Variants in FANCC observed in about 807,000 individuals in gnomAD.
FANCC encodes Fanconi anemia group C protein.
In FANCC, 55 loss-of-function variants were observed where a neutral mutation model predicts 71.3. The observed-to-expected ratio is 0.77, with a 90% confidence interval of 0.62 to 0.97. The LOEUF (loss-of-function observed/expected upper bound fraction) is 0.97. Among genes scored for constraint, FANCC ranks in the 50% least tolerant of loss-of-function variants. FANCC has a pLI of 0.00. For missense variants in FANCC, 678 were observed against 670.9 expected (o/e 1.01, Z -0.12); for synonymous variants, 275 against 244.9 (o/e 1.12, Z -1.15).
chr9:95,278,681 T>TA (rs1289133282), intron 1 of FANCC, among the ~76,000 whole-genome samples: 1 of 152,148 alleles, frequency 6.6e-6, no homozygotes, highest in African/African-American at 2.4e-5. Context: ...ATTTCTGACT[T>TA]ACAATATTTT....
At chr9:95,168,313 A>G (rs967842255) in intron 6 of FANCC, among the ~76,000 whole-genome samples, 1 of 152,024 alleles carries the variant, frequency 6.6e-6, no homozygotes, top group African/African-American at 2.4e-5. Context: ...CTTCCTCCCA[A>G]TTCTGTTGAG....
intron 6 of FANCC, 39 bp from the exon 7 acceptor site, chr9:95,150,126 G>C (rs1184896671): frequency 6.2e-7 from 1 of 1,609,108 alleles, no homozygotes; most frequent in Non-Finnish European, 8.5e-7. Context: ...AAATCTAAGA[G>C]CCATGCATAA....
intron 10 of FANCC, among the ~76,000 whole-genome samples, chr9:95,122,944 G>A (rs1179734780): frequency 6.6e-6 from 1 of 152,186 alleles, no homozygotes; most frequent in Non-Finnish European, 1.5e-5. Flanking sequence ...CATGGATAGC[G>A]CAGCTTGCTA....
intron 12 of FANCC, among the ~76,000 whole-genome samples, chr9:95,111,996 G>A (rs1468904700): frequency 1.3e-5 from 2 of 152,224 alleles, no homozygotes; most frequent in Non-Finnish European, 2.9e-5. Flanking sequence ...GAGATGGGGA[G>A]AAAGAGGTGG....
intron 5 of FANCC, among the ~76,000 whole-genome samples, chr9:95,171,479 T>C (rs10821453): frequency 0.39 from 58,318 of 151,420 alleles, 11,850 homozygotes; most frequent in East Asian, 0.58. Context: ...AAAAAGTTGT[T>C]ATTGTACAAA....
chr9:95,150,854 C>T (rs1830132648), intron 6 of FANCC, among the ~76,000 whole-genome samples: 1 of 152,168 alleles, frequency 6.6e-6, no homozygotes, highest in Non-Finnish European at 1.5e-5. Context: ...TGATTAGCTC[C>T]CTGGTTGCAG....
chr9:95,156,618 G>C (rs973600732), intron 6 of FANCC, among the ~76,000 whole-genome samples: 2 of 152,078 alleles, frequency 1.3e-5, no homozygotes, highest in Admixed American at 6.5e-5. Context: ...AGAAGCTTTT[G>C]TGATCACCAT....
chr9:95,317,195 C>T (rs1490671638), intron 1 of FANCC: 1 of 152,642 alleles, frequency 6.6e-6, no homozygotes, highest in Non-Finnish European at 1.5e-5. Context: ...ACCAAAACGC[C>T]AACACCCGGC....
rs2134455171 is a variant in FANCC, at chr9:95,107,137, T to C, written c.1462A>G (p.Arg488Gly). The change falls in exon 14 of 15, where the codon AGG (arginine) becomes GGG (glycine). Residue 488 changes from arginine (R) to glycine (G), a missense_variant. By Grantham distance (125) the Arg-to-Gly change is moderately radical (BLOSUM62 -2). Coordinates refer to ENST00000289081, the MANE Select transcript of FANCC (RefSeq NM_000136.3). ...AGCAGGAAGTTGAGGAGAAGGTGCC[T>C]GATCAGCTGTTGTGCAGGAGCTCTG... ...DLRAPAQQLIRHLLLNFLLWA... is the reference protein window; with the variant it reads ...DLRAPAQQLIGHLLLNFLLWA... 1.2e-6 allele frequency: 2 copies of C among 1,614,210 alleles called. No homozygotes were observed. Among genetic ancestry groups the C allele is most frequent in the East Asian group, 2.2e-5 (1 of 44,890 alleles).
chr9:95,244,338 G>A (rs1564789613), intron 3 of FANCC, among the ~76,000 whole-genome samples: 1 of 152,094 alleles, frequency 6.6e-6, no homozygotes, highest in Non-Finnish European at 1.5e-5. Context: ...AGCTCCTAAT[G>A]GGCAGAGACA....
rs760046823 is a variant in FANCC at position 95,107,120 on chromosome 9, G to T, written c.1479C>A (p.Asn493Lys). Reference protein sequence around the residue: ...AQQLIRHLLLNFLLWAPGGHT... With the variant: ...AQQLIRHLLLKFLLWAPGGHT... ...GGCCTCCAGGAGCCCAGAGCAGGAA[G>T]TTGAGGAGAAGGTGCCTGATCAGCT... The change falls in exon 14 of 15, where the codon AAC becomes AAA. Residue 493 changes from asparagine to lysine, a missense_variant. Coordinates refer to ENST00000289081, the MANE Select transcript of FANCC (RefSeq NM_000136.3). 6.2e-7 allele frequency: 1 copy of T among 1,614,250 alleles called. No homozygotes were observed. Among genetic ancestry groups the T allele is most frequent in the Non-Finnish European group, 8.5e-7 (1 of 1,180,046 alleles).
At chr9:95,294,912 T>TA in intron 1 of FANCC, 1 of 1,066,454 alleles carries the variant, frequency 9.4e-7, no homozygotes, top group East Asian at 2.5e-5. Flanking sequence ...ATGTGGCTGA[T>TA]GATGCAGTTG....
In FANCC at chr9:95,101,744, G is replaced by A. The variant is rs2071083482; in HGVS notation, c.1640C>T (p.Ala547Val). The stretch of plus-strand genomic sequence containing the variant: ...TCGCAGCTCTTTAAGGAGCTCTCGG[G>A]CCAGTTTTTCTGATCTAGGGCTTTC... The part of the protein sequence containing the change: ...GIESPRSEKL[A>V]RELLKELRTQ... Residue 547 changes from alanine to valine, a missense_variant, in exon 15 of 15, where the codon GCC becomes GTC. Ala to Val is a moderately conservative substitution (Grantham distance 64). Coordinates refer to ENST00000289081, the MANE Select transcript of FANCC (RefSeq NM_000136.3). 3.1e-6 allele frequency: 5 copies of A among 1,614,102 alleles called. No homozygotes were observed. The highest frequency in any genetic ancestry group is 4.2e-6 in the Non-Finnish European group (5 of 1,180,002).
chr9:95,260,684 TATA>T (rs1444710902), intron 1 of FANCC, among the ~76,000 whole-genome samples: 2 of 130,200 alleles, frequency 1.5e-5, no homozygotes, highest in Non-Finnish European at 3.3e-5. Flanking sequence ...GAACTTAAAA[TATA>T]AAAAAAAAAA....
chr9:95,109,016 C>CCAT (rs1479041973), intron 13 of FANCC, among the ~76,000 whole-genome samples: 1 of 152,048 alleles, frequency 6.6e-6, no homozygotes, highest in Non-Finnish European at 1.5e-5. Context: ...AGCGATCCTT[C>CCAT]CATCTATCTC....
chr9:95,111,735 T>C (rs1564648344), intron 12 of FANCC, 98 bp from the exon 13 acceptor site: 1 of 1,449,400 alleles, frequency 6.9e-7, no homozygotes, highest in African/African-American at 1.4e-5. Context: ...TTGGCTTAAA[T>C]TGTACTTATC....
chr9:95,260,615 A>G (rs1013949113), intron 1 of FANCC, among the ~76,000 whole-genome samples: 2 of 149,932 alleles, frequency 1.3e-5, no homozygotes, highest in Non-Finnish European at 3.0e-5. Context: ...GGTGCAGGAA[A>G]CCACCATGGC....
chr9:95,131,744 A>G (rs1038349300), intron 8 of FANCC, among the ~76,000 whole-genome samples: 1 of 152,218 alleles, frequency 6.6e-6, no homozygotes, highest in Non-Finnish European at 1.5e-5. Context: ...GTTAGTGAAA[A>G]GCTACTTAAG....
intron 14 of FANCC, among the ~76,000 whole-genome samples, chr9:95,105,189 A>G (rs3824486): frequency 0.49 from 74,090 of 151,996 alleles, 18,595 homozygotes; most frequent in East Asian, 0.63. Context: ...GCCTGGGCCC[A>G]CTCCACAGGA....
Sources: gnomAD v4.1 joint callset for allele counts (sites outside exome capture counted in the v4.1 genomes callset) on GRCh38, gnomAD v4.1.1 for gene constraint, MANE v1.5 for transcripts, NCBI Gene and HGNC (gene_info 2026-07-23, HGNC 2026-07-21) for gene names.